HPSE2: variants seen among roughly 807,000 people sequenced by gnomAD.
HPSE2 encodes inactive heparanase-2.
In HPSE2, 38 loss-of-function variants were observed where a neutral mutation model predicts 60.5. The ratio of observed to expected loss-of-function variants is 0.63; its 90% CI spans 0.48 to 0.82. HPSE2 has a LOEUF of 0.82. HPSE2 is among the 40% of genes least tolerant of loss of function. HPSE2 has a pLI of 0.00. For missense variants in HPSE2, 713 were observed against 740.4 expected (o/e 0.96, Z 0.43); for synonymous variants, 295 against 293.2 (o/e 1.01, Z -0.06).
chr10:98,800,814 C>G (rs1384710376), intron 3 of HPSE2, among the ~76,000 whole-genome samples: 1 of 152,130 alleles, frequency 6.6e-6, no homozygotes, highest in Admixed American at 6.6e-5. Flanking sequence ...CACCTAATAC[C>G]AATCCTACTC....
chr10:98,464,401 C>T (rs1471275914), intron 11 of HPSE2, among the ~76,000 whole-genome samples: 1 of 152,202 alleles, frequency 6.6e-6, no homozygotes, highest in Non-Finnish European at 1.5e-5. Flanking sequence ...AGTTTTGCTT[C>T]CGAGTCATAT....
At chr10:98,986,901 G>T in intron 3 of HPSE2, among the ~76,000 whole-genome samples, 1 of 152,122 alleles carries the variant, frequency 6.6e-6, no homozygotes, top group Non-Finnish European at 1.5e-5. Context: ...AGAAGAAATG[G>T]ATAAATTTCT....
intron 3 of HPSE2, among the ~76,000 whole-genome samples, chr10:98,914,261 A>G (rs1001919985): frequency 1.3e-5 from 2 of 152,058 alleles, no homozygotes; most frequent in African/African-American, 4.8e-5. Context: ...CCATCCACGT[A>G]AAAATGTGAC....
At chr10:98,579,225 C>CTG (rs1944725215) in intron 9 of HPSE2, among the ~76,000 whole-genome samples, 2 of 152,160 alleles carry the variant, frequency 1.3e-5, no homozygotes, top group Non-Finnish European at 2.9e-5. Flanking sequence ...GAAGGATCAG[C>CTG]TCTTCAACAC....
intron 9 of HPSE2, among the ~76,000 whole-genome samples, chr10:98,601,096 T>G (rs1456035982): frequency 6.7e-6 from 1 of 148,482 alleles, no homozygotes; most frequent in Non-Finnish European, 1.5e-5. Flanking sequence ...GAGGTTGCAG[T>G]TCAAGCCTGA....
intron 2 of HPSE2, among the ~76,000 whole-genome samples, chr10:99,174,268 T>C (rs900911617): frequency 1.3e-5 from 2 of 152,228 alleles, no homozygotes; most frequent in Admixed American, 6.5e-5. Context: ...TGAACTCTCA[T>C]AGCACTTGGC....
chr10:98,718,180 A>G (rs1353546535), intron 5 of HPSE2, among the ~76,000 whole-genome samples: 1 of 152,214 alleles, frequency 6.6e-6, no homozygotes, highest in Non-Finnish European at 1.5e-5. Flanking sequence ...AACTCTAAAT[A>G]GTAATTCTCA....
Position 98,743,874 on chromosome 10 carries a change from CT to C in HPSE2, c.784+8del. ...TTGTCAATTCAGAGGAAGTAACATC[CT>C]TACTTACCATTACCCAGTTCCCAAG... On this transcript the variant is annotated splice_region_variant and intron_variant, in intron 4 of 11. Transcript: ENST00000370552. 6.2e-7 allele frequency: 1 copy of C among 1,609,224 alleles called. No individual in the cohort carries two copies. The highest frequency in any genetic ancestry group is 8.5e-7 in the Non-Finnish European group (1 of 1,175,536).
intron 3 of HPSE2, among the ~76,000 whole-genome samples, chr10:99,048,736 C>A (rs1957919203): frequency 6.6e-6 from 1 of 152,016 alleles, no homozygotes; most frequent in South Asian, 2.1e-4. Flanking sequence ...TAGGTATATA[C>A]CCAAAGGAAA....
Position 99,206,608 on chromosome 10 carries a change from T to C in HPSE2, c.448+25740A>G, listed in dbSNP as rs559876071. Reference sequence around the variant, plus strand: ...ACAGATTTGTGAATGCATGGCAAATTGGCACTCCTAACCCCCATGTTGTTC... The same window carrying C: ...ACAGATTTGTGAATGCATGGCAAATCGGCACTCCTAACCCCCATGTTGTTC... On this transcript the variant is annotated intron_variant, in intron 2 of 11. Coordinates refer to ENST00000370552, the MANE Select transcript of HPSE2 (RefSeq NM_021828.5). Among the ~76,000 whole-genome samples, 875 of 150,928 alleles carry C rather than the reference T, an allele frequency of 5.8e-3. 10 individuals carry two copies. The highest frequency in any genetic ancestry group is 0.02 in the African/African-American group (817 of 41,150).
chr10:98,751,416 C>T (rs1423837030), intron 3 of HPSE2, among the ~76,000 whole-genome samples: 1 of 152,198 alleles, frequency 6.6e-6, no homozygotes, highest in East Asian at 1.9e-4. Context: ...GTTTTAAGGA[C>T]TCAGTTCAAT....
chr10:98,513,362 A>C (rs10883112), intron 9 of HPSE2, among the ~76,000 whole-genome samples: 76,868 of 152,004 alleles, frequency 0.51, 21,791 homozygotes, highest in South Asian at 0.66. Context: ...CGGAGCAGCC[A>C]GTGGCAGCAG....
intron 3 of HPSE2, among the ~76,000 whole-genome samples, chr10:98,819,475 G>A (rs1951372112): frequency 6.7e-6 from 1 of 148,450 alleles, no homozygotes. Context: ...TTACTTGGAA[G>A]GGACTTCTTA....
At chr10:98,752,782 A>T (rs1949788731) in intron 3 of HPSE2, among the ~76,000 whole-genome samples, 1 of 152,190 alleles carries the variant, frequency 6.6e-6, no homozygotes, top group Non-Finnish European at 1.5e-5. Flanking sequence ...CATGATATGG[A>T]ATCAGCCTAA....
At chr10:98,482,893 TA>T in intron 10 of HPSE2, 111 bp from the exon 11 acceptor site, 2 of 1,214,562 alleles carry the variant, frequency 1.6e-6, no homozygotes, top group Non-Finnish European at 1.2e-6. Context: ...AAATGGCACT[TA>T]AAAACTTGGC....
At chr10:99,274,583 TA>T in the HPSE2 span, among the ~76,000 whole-genome samples, 1 of 152,138 alleles carries the variant, frequency 6.6e-6, no homozygotes, top group East Asian at 1.9e-4. Flanking sequence ...TGTGTCCAAA[TA>T]TTTAAAGTGT....
chr10:99,247,432 G>A, the HPSE2 span, among the ~76,000 whole-genome samples: 9 of 152,226 alleles, frequency 5.9e-5, no homozygotes, highest in Non-Finnish European at 7.4e-5. Flanking sequence ...ACCCGCTACC[G>A]CAAAAACACA....
chr10:99,306,548 T>C, the HPSE2 span, among the ~76,000 whole-genome samples: 1 of 152,224 alleles, frequency 6.6e-6, no homozygotes, highest in Admixed American at 6.5e-5. Context: ...GCCCTCTTGG[T>C]GTATGTGTGG....
chr10:99,044,772 G>A, intron 3 of HPSE2, among the ~76,000 whole-genome samples: 1 of 152,042 alleles, frequency 6.6e-6, no homozygotes, highest in East Asian at 1.9e-4. Context: ...GGCAAAGAAG[G>A]GCATTACATA....
Sources: gnomAD v4.1 joint callset for allele counts (sites outside exome capture counted in the v4.1 genomes callset) on GRCh38, gnomAD v4.1.1 for gene constraint, MANE v1.5 for transcripts, NCBI Gene and HGNC (gene_info 2026-07-23, HGNC 2026-07-21) for gene names.